COA4: variants seen among roughly 807,000 people sequenced by gnomAD.
COA4 encodes cytochrome c oxidase assembly factor 4 homolog, also known as cytochrome c oxidase assembly factor 4 homolog, mitochondrial.
In COA4, 8 loss-of-function variants were observed where a neutral mutation model predicts 7.3. The ratio of observed to expected loss-of-function variants is 1.10; its 90% CI spans 0.64 to 1.98. The LOEUF (loss-of-function observed/expected upper bound fraction) is 1.98, where lower values mean the gene tolerates loss of function less well. COA4 is among the 30% of genes most tolerant of loss of function. COA4 has a pLI of 0.00. For synonymous variants in COA4, 42 were observed against 44.3 expected (o/e 0.95, Z 0.21); for missense variants, 96 against 111.2 (o/e 0.86, Z 0.62).
intron 1 of COA4, chr11:73,875,647 T>G (rs142646200): frequency 1.2e-4 from 18 of 149,016 alleles, no homozygotes; most frequent in African/African-American, 3.2e-4. Flanking sequence ...GTGGTTGAGA[T>G]AGAATCTGAC....
rs35586999 is a variant in COA4 at position 73,873,324 on chromosome 11, C to T, written c.55G>A (p.Asp19Asn). Residue 19 changes from aspartate (D) to asparagine (N), a missense_variant, in exon 2 of 2, where the codon GAT becomes AAT. By Grantham distance (23) the Asp-to-Asn change is conservative. Coordinates refer to ENST00000355693, the MANE Select transcript of COA4 (RefSeq NM_016565.3). ...TGGTCCAGCGGGTCCTCCTCCTCAT[C>T]GTCTTTCTTCACCCGTTGGGTCCAG... ...HTWTQRVKKD[D>N]EEEDPLDQLI... is the part of the protein sequence containing the mutation. The T allele has an allele frequency of 2.7e-3, 4,429 of 1,614,200 alleles. 15 individuals carry two copies. The highest frequency in any genetic ancestry group is 0.013 in the Middle Eastern group (76 of 6,060).
At position 73,873,052 on chromosome 11, in the gene COA4, C is replaced by T; in HGVS notation, c.*63G>A. The T allele has an allele frequency of 6.6e-7, 1 of 1,520,680 alleles. No individual in the cohort carries two copies. The highest frequency in any genetic ancestry group is 8.8e-7 in the Non-Finnish European group (1 of 1,135,162). 94.2% of individuals were successfully genotyped at this position (1,520,680 alleles called of 1,614,324 possible). On this transcript the variant is annotated 3_prime_UTR_variant, in exon 2 of 2. Transcript: ENST00000355693. ...ACACCAGCATTTAGGATTTCTTCCT[C>T]TATAATCTTGCTGGGTGCTGGTCTT...
intron 1 of COA4, chr11:73,876,176 G>T (rs1342056775): frequency 1.3e-5 from 2 of 151,828 alleles, no homozygotes; most frequent in East Asian, 1.9e-4. Flanking sequence ...AAGGAGGCTG[G>T]TATGTCTAAA....
In COA4 at chr11:73,873,022, C is replaced by G. The variant is rs1948704554; in HGVS notation, c.*93G>C. On this transcript the variant is annotated 3_prime_UTR_variant, in exon 2 of 2. Coordinates refer to ENST00000355693, the MANE Select transcript of COA4 (RefSeq NM_016565.3). ...CAAAAACTCTCCCCATGTTTTAGACCTCCCACACCAGCATTTAGGATTTCT... is the reference window on the plus strand; with the variant it reads ...CAAAAACTCTCCCCATGTTTTAGACGTCCCACACCAGCATTTAGGATTTCT... 4.7e-6 allele frequency: 7 copies of G among 1,480,740 alleles called. No homozygotes were observed. Among genetic ancestry groups the G allele is most frequent in the Admixed American group, 2.3e-5 (1 of 44,234 alleles). 91.7% of individuals were successfully genotyped at this position (1,480,740 alleles called of 1,614,324 possible).
chr11:73,874,569 C>T (rs1257308053), intron 1 of COA4: 1 of 152,282 alleles, frequency 6.6e-6, no homozygotes, highest in East Asian at 1.9e-4. Context: ...AGTTCAAAGG[C>T]TGCAGTGAGC....
intron 1 of COA4, among the ~76,000 whole-genome samples, chr11:73,874,868 C>A (rs573662426): frequency 2.0e-5 from 3 of 152,146 alleles, no homozygotes; most frequent in African/African-American, 7.2e-5. Flanking sequence ...CACCTGTAAT[C>A]CCAGCTACTC....
chr11:73,874,663 A>T (rs1948721899), intron 1 of COA4, among the ~76,000 whole-genome samples: 1 of 151,904 alleles, frequency 6.6e-6, no homozygotes, highest in Non-Finnish European at 1.5e-5. Context: ...TTATCCTACT[A>T]GCCTTATTCT....
Position 73,872,914 on chromosome 11 carries a change from G to A in COA4, c.*201C>T. The A allele has an allele frequency of 6.5e-6, 4 of 614,670 alleles. 1 individual carries two copies. In the South Asian group the frequency reaches 6.9e-5, roughly 11 times the overall value. 38.1% of individuals were successfully genotyped at this position (614,670 alleles called of 1,614,324 possible). A position where few individuals can be genotyped will look rare whatever the true frequency, so the allele number is the denominator to read the frequency against. Reference sequence around the variant, plus strand: ...TAAATACTGGTGGAACAAGACAGCTGAGAATGTATGACATCTGACCATGAA... The same window carrying A: ...TAAATACTGGTGGAACAAGACAGCTAAGAATGTATGACATCTGACCATGAA... On this transcript the variant is annotated 3_prime_UTR_variant, in exon 2 of 2. Coordinates refer to ENST00000355693, the MANE Select transcript of COA4 (RefSeq NM_016565.3).
chr11:73,873,671 A>G lies in COA4; in HGVS notation c.-16-277T>C. 3 of 450,440 alleles carry G rather than the reference A, an allele frequency of 6.7e-6. 1 individual carries two copies. Among genetic ancestry groups the G allele is most frequent in the Non-Finnish European group, 1.2e-5 (3 of 257,304 alleles). The allele number at this position is 450,440 out of a possible 1,614,324, so 27.9% of individuals were successfully genotyped here. ...GTAGCTGGGACTACAGGTGTGCATC[A>G]CCACTCAGCTAATTTTTTTGATTCT... On this transcript the variant is annotated intron_variant, in intron 1 of 1. Transcript: ENST00000355693.
intron 1 of COA4, among the ~76,000 whole-genome samples, chr11:73,874,707 G>C (rs1948722160): frequency 6.6e-6 from 1 of 152,126 alleles, no homozygotes; most frequent in South Asian, 2.1e-4. Flanking sequence ...AGTGAAAGAG[G>C]CTGGGTGCAG....
chr11:73,873,273 C>T lies in COA4; in HGVS notation c.106G>A (p.Ala36Thr). 6.2e-7 allele frequency: 1 copy of T among 1,614,270 alleles called. No individual in the cohort carries two copies. The highest frequency in any genetic ancestry group is 1.1e-5 in the South Asian group (1 of 91,084). The change falls in exon 2 of 2, where the codon GCC becomes ACC. Residue 36 changes from alanine to threonine, a missense_variant. Physicochemically the swap from Ala to Thr is moderately conservative, Grantham distance 58 (BLOSUM62 0). Coordinates refer to ENST00000355693, the MANE Select transcript of COA4 (RefSeq NM_016565.3). ...DQLISRSGCA[A>T]SHFAVQECMA... ...CACTCCTGCACTGCAAAGTGGGAGGCAGCACAGCCAGAGCGGGAGATCAGC... is the reference window on the plus strand; with the variant it reads ...CACTCCTGCACTGCAAAGTGGGAGGTAGCACAGCCAGAGCGGGAGATCAGC...
chr11:73,873,120 G>T lies in COA4; in HGVS notation c.259C>A (p.His87Asn), dbSNP rs766613998. Residue 87 changes from histidine (H) to asparagine (N), a missense_variant, in exon 2 of 2, where the codon CAC becomes AAC. By Grantham distance (68) the His-to-Asn change is moderately conservative. Transcript: ENST00000355693. ...QRRQEQAGAH[H>N] ...GGGATAGGTGGTTTGGGGTCTCAGTGGTGGGCACCGGCTTGTTCTTGCCTC... is the reference window on the plus strand; with the variant it reads ...GGGATAGGTGGTTTGGGGTCTCAGTTGTGGGCACCGGCTTGTTCTTGCCTC... The T allele has an allele frequency of 1.2e-6, 2 of 1,601,850 alleles. No homozygotes were observed. The highest frequency in any genetic ancestry group is 8.5e-7 in the Non-Finnish European group (1 of 1,171,718).
intron 1 of COA4, chr11:73,876,407 T>C (rs933269507): frequency 1.3e-5 from 2 of 152,194 alleles, no homozygotes; most frequent in African/African-American, 4.8e-5. Flanking sequence ...GAATGAAGAT[T>C]AATATAACGA....
In COA4 at chr11:73,873,140, TG is replaced by T. The variant is rs777952438; in HGVS notation, c.238del (p.Gln80LysfsTer92). 9.3e-6 allele frequency: 15 copies of T among 1,611,216 alleles called. No homozygotes were observed. Among genetic ancestry groups the T allele is most frequent in the Non-Finnish European group, 1.3e-5 (15 of 1,178,064 alleles). On this transcript the variant is annotated frameshift_variant, in exon 2 of 2. Coordinates refer to ENST00000355693, the MANE Select transcript of COA4 (RefSeq NM_016565.3). LOFTEE classifies it high-confidence loss of function. ...ARRQEELQRR[Q>X]EQAGAHH ...TCAGTGGTGGGCACCGGCTTGTTCT[TG>T]CCTCCTCTGCAGCTCCTCTTGCCGC...
In COA4 at chr11:73,873,099, T is replaced by C. The variant is rs375530484; in HGVS notation, c.*16A>G. 1 of 1,586,842 alleles carries C rather than the reference T, an allele frequency of 6.3e-7. No individual in the cohort carries two copies. Among genetic ancestry groups the C allele is most frequent in the African/African-American group, 1.3e-5 (1 of 74,416 alleles). ...TCTTGGCAGGGCCATCTACTGGGGATAGGTGGTTTGGGGTCTCAGTGGTGG... is the reference window on the plus strand; with the variant it reads ...TCTTGGCAGGGCCATCTACTGGGGACAGGTGGTTTGGGGTCTCAGTGGTGG... On this transcript the variant is annotated 3_prime_UTR_variant, in exon 2 of 2. Transcript: ENST00000355693.
intron 1 of COA4, among the ~76,000 whole-genome samples, chr11:73,874,123 G>T (rs907052242): frequency 6.6e-6 from 1 of 152,024 alleles, no homozygotes; most frequent in Non-Finnish European, 1.5e-5. Context: ...GAGACCAGCA[G>T]GGGTAATAGC....
intron 1 of COA4, among the ~76,000 whole-genome samples, chr11:73,875,045 T>C (rs891133457): frequency 2.0e-5 from 3 of 151,950 alleles, no homozygotes; most frequent in African/African-American, 7.3e-5. Context: ...TTTTGACACA[T>C]GGGAAGGATG....
intron 1 of COA4, chr11:73,876,114 G>A (rs12793826): frequency 6.8e-6 from 1 of 146,310 alleles, no homozygotes; most frequent in South Asian, 2.2e-4. Context: ...GTTACAGCGG[G>A]AGACCCTGTC....
chr11:73,873,502 C>T, intron 1 of COA4, 108 bp from the exon 2 acceptor site: 1 of 963,232 alleles, frequency 1.0e-6, no homozygotes, highest in Non-Finnish European at 1.5e-6. Flanking sequence ...TGTCTGTCTC[C>T]CGTGGGAGAC....
Sources: gnomAD v4.1 joint callset for allele counts (sites outside exome capture counted in the v4.1 genomes callset) on GRCh38, gnomAD v4.1.1 for gene constraint, MANE v1.5 for transcripts, NCBI Gene and HGNC (gene_info 2026-07-23, HGNC 2026-07-21) for gene names.